The following SMC1B variants were observed in gnomAD, a reference collection of about 807,000 sequenced individuals.
SMC1B encodes the protein structural maintenance of chromosomes 1B.
SMC1B carries 60 observed loss-of-function variants against 157.9 expected under a neutral mutation model. The ratio of observed to expected loss-of-function variants is 0.38; its 90% CI spans 0.31 to 0.47. The LOEUF is 0.47. Ranked by LOEUF, SMC1B falls within the 20% of genes least tolerant of loss-of-function variation. The probability of loss-of-function intolerance (pLI) is 0.99; values close to 1 mark genes in which losing one functional copy is unlikely to be tolerated. For synonymous variants in SMC1B, 445 were observed against 483.0 expected, an observed-to-expected ratio of 0.92 and a Z score of 1.03; for missense variants, 1,165 against 1,426.2, an observed-to-expected ratio of 0.82 and a Z score of 2.95.
intron 15 of SMC1B, among the ~76,000 whole-genome samples, chr22:45,363,322 A>G (rs903019022): frequency 6.6e-6 from 1 of 152,222 alleles, no homozygotes; most frequent in African/African-American, 2.4e-5. Flanking sequence ...TAACTCATAA[A>G]GTATTATGGC....
At position 45,370,072 on chromosome 22, in the gene SMC1B, T is replaced by C; in HGVS notation, c.2314-12A>G. ...ATATCGTCTTCTACCTTTTAAATTA[T>C]TTTAAAACAATTGATTTAATAAGCA... On this transcript the variant is annotated splice_polypyrimidine_tract_variant and intron_variant, in intron 14 of 24. Transcript: ENST00000357450. 1 of 1,353,158 alleles carries C rather than the reference T, an allele frequency of 7.4e-7. No individual in the cohort carries two copies. The highest frequency in any genetic ancestry group is 1.0e-6 in the Non-Finnish European group (1 of 985,180). 83.8% of individuals were successfully genotyped at this position (1,353,158 alleles called of 1,614,324 possible). A position where few individuals can be genotyped will look rare whatever the true frequency, so the allele number is the denominator to read the frequency against.
At chr22:45,385,293 T>A (rs1569188866) in intron 11 of SMC1B, among the ~76,000 whole-genome samples, 1 of 152,122 alleles carries the variant, frequency 6.6e-6, no homozygotes, top group Admixed American at 6.5e-5. Context: ...ATACTATAGT[T>A]TATAAGTAAA....
At chr22:45,400,838 AT>A (rs2087184107) in intron 5 of SMC1B, among the ~76,000 whole-genome samples, 1 of 152,230 alleles carries the variant, frequency 6.6e-6, no homozygotes, top group Non-Finnish European at 1.5e-5. Context: ...ATAGAATATA[AT>A]GAGAAGGACA....
In SMC1B at chr22:45,402,484, T is replaced by A; in HGVS notation, c.703A>T (p.Ile235Phe). The change falls in exon 5 of 25, where the codon ATT (isoleucine) becomes TTT (phenylalanine). Residue 235 changes from isoleucine (I) to phenylalanine (F), a missense_variant. By Grantham distance (21) the Ile-to-Phe change is conservative. Transcript: ENST00000357450. ...LFQLYHNEKKIHLLNTKLEHV... is the reference protein window; with the variant it reads ...LFQLYHNEKKFHLLNTKLEHV... Reference sequence around the variant, plus strand: ...TCTAACTTGGTGTTCAGGAGATGAATCTTTTTCTCATTATGGTATAGTTGA... The same window carrying A: ...TCTAACTTGGTGTTCAGGAGATGAAACTTTTTCTCATTATGGTATAGTTGA... 6.2e-7 allele frequency: 1 copy of A among 1,613,988 alleles called. No individual in the cohort carries two copies. Among genetic ancestry groups the A allele is most frequent in the Non-Finnish European group, 8.5e-7 (1 of 1,179,930 alleles).
intron 12 of SMC1B, among the ~76,000 whole-genome samples, chr22:45,372,962 C>T (rs1197235976): frequency 6.6e-6 from 1 of 152,098 alleles, no homozygotes; most frequent in Non-Finnish European, 1.5e-5. Context: ...ATCCACCCAC[C>T]TCAGCCTCCC....
At chr22:45,364,535 C>T (rs904343526) in intron 15 of SMC1B, among the ~76,000 whole-genome samples, 1 of 152,180 alleles carries the variant, frequency 6.6e-6, no homozygotes, top group African/African-American at 2.4e-5. Flanking sequence ...GAGAGCTAAG[C>T]AACTTGCCCA....
chr22:45,390,029 G>C (rs1381880669), intron 9 of SMC1B, 132 bp from the exon 10 acceptor site: 2 of 711,410 alleles, frequency 2.8e-6, no homozygotes, highest in Admixed American at 3.1e-5. Flanking sequence ...ATAATTAATA[G>C]AGTTTTATTC....
rs201275855 is a variant in SMC1B, at chr22:45,389,768, A to G, written c.1675T>C (p.Phe559Leu). Reference protein sequence around the residue: ...SEKVAKDCIRFLKEERAEPET... With the variant: ...SEKVAKDCIRLLKEERAEPET... The stretch of plus-strand genomic sequence containing the variant: ...GGTTCAGCTCTTTCCTCCTTCAGAA[A>G]TCGAATACAATCTTTTGCTACCTTT... The change falls in exon 10 of 25, where the codon TTT (phenylalanine) becomes CTT (leucine). Residue 559 changes from phenylalanine to leucine, a missense_variant. Physicochemically the swap from Phe to Leu is conservative, Grantham distance 22 (BLOSUM62 0). Coordinates refer to ENST00000357450, the MANE Select transcript of SMC1B (RefSeq NM_148674.5). The G allele has an allele frequency of 1.5e-5, 24 of 1,614,152 alleles. No homozygotes were observed. In the East Asian group the frequency reaches 3.8e-4, roughly 25 times the overall value.
chr22:45,349,782 T>C lies in SMC1B; in HGVS notation c.3441A>G (p.Pro1147=), dbSNP rs1015759318. The change falls in exon 23 of 25, where the codon CCA becomes CCG. Residue 1147 remains proline (P), a synonymous_variant. Transcript: ENST00000357450. The part of the protein sequence containing the change: ...LFAVHSFRPA[P]FFVLDEVDAA... ...CATCCACTTCATCTAAAACAAAGAA[T>C]GGGGCAGGACGAAAACTAGAAAAAA... The C allele has an allele frequency of 1.2e-6, 2 of 1,611,400 alleles. No homozygotes were observed. Among genetic ancestry groups the C allele is most frequent in the South Asian group, 1.1e-5 (1 of 90,190 alleles).
At chr22:45,353,856 G>A (rs544326123) in intron 21 of SMC1B, 122 bp downstream of exon 21, 1 of 752,476 alleles carries the variant, frequency 1.3e-6, no homozygotes, top group East Asian at 2.9e-5. Flanking sequence ...CCCCATGAGT[G>A]AGTTGCTCAA....
intron 22 of SMC1B, among the ~76,000 whole-genome samples, chr22:45,351,707 C>G (rs2086617078): frequency 6.6e-6 from 1 of 152,156 alleles, no homozygotes; most frequent in African/African-American, 2.4e-5. Context: ...GTCACCACAT[C>G]TGGCTAACTT....
At chr22:45,375,287 C>G (rs1175491174) in intron 12 of SMC1B, among the ~76,000 whole-genome samples, 1 of 152,180 alleles carries the variant, frequency 6.6e-6, no homozygotes, top group Non-Finnish European at 1.5e-5. Flanking sequence ...CTTGCCTTTT[C>G]CAGAGCGAAC....
At chr22:45,375,550 G>C (rs183848233) in intron 12 of SMC1B, among the ~76,000 whole-genome samples, 109 of 152,284 alleles carry the variant, frequency 7.2e-4, no homozygotes, top group Non-Finnish European at 1.3e-3. Context: ...TAACTGAAAT[G>C]ATTTCAGTGT....
At chr22:45,413,084 G>C (rs2087368025) in intron 1 of SMC1B, among the ~76,000 whole-genome samples, 1 of 152,058 alleles carries the variant, frequency 6.6e-6, no homozygotes, top group Non-Finnish European at 1.5e-5. Context: ...GAGCCCCTGA[G>C]ATGAAGGGCG....
chr22:45,378,533 C>T (rs186758403), intron 12 of SMC1B, among the ~76,000 whole-genome samples: 19 of 151,148 alleles, frequency 1.3e-4, no homozygotes, highest in Admixed American at 4.0e-4. Flanking sequence ...ATTATTATCC[C>T]CATTATACTG....
At chr22:45,390,470 G>A (rs1390948721) in intron 9 of SMC1B, among the ~76,000 whole-genome samples, 1 of 152,108 alleles carries the variant, frequency 6.6e-6, no homozygotes, top group Non-Finnish European at 1.5e-5. Flanking sequence ...CATTTTGGGA[G>A]GCCGAGGCGG....
At chr22:45,380,067 C>G (rs997749226) in intron 12 of SMC1B, among the ~76,000 whole-genome samples, 1 of 152,074 alleles carries the variant, frequency 6.6e-6, no homozygotes, top group Non-Finnish European at 1.5e-5. Flanking sequence ...GTATTTTTGT[C>G]ACATGGAGTA....
At chr22:45,348,548 T>G (rs551316661) in intron 23 of SMC1B, among the ~76,000 whole-genome samples, 71 of 152,320 alleles carry the variant, frequency 4.7e-4, no homozygotes, top group Middle Eastern at 3.4e-3. Context: ...AATATCTAGA[T>G]TTGGTGAGAA....
At chr22:45,355,861 A>G (rs1016253092) in intron 19 of SMC1B, among the ~76,000 whole-genome samples, 20 of 152,156 alleles carry the variant, frequency 1.3e-4, no homozygotes, top group Admixed American at 1.3e-3. Flanking sequence ...CCTGAGGTCA[A>G]GAGTTCAAGA....
Sources: allele counts gnomAD v4.1 joint callset (sites outside exome capture counted in the v4.1 genomes callset), GRCh38; gene constraint gnomAD v4.1.1; transcripts MANE v1.5; gene names NCBI Gene and HGNC (gene_info 2026-07-23, HGNC 2026-07-21).